Variants in ZRANB3 observed in about 807,000 individuals in gnomAD.
ZRANB3 encodes the protein zinc finger RANBP2-type containing 3.
Under a neutral mutation model 133.8 loss-of-function variants are expected in ZRANB3, and 125 were observed. The observed-to-expected ratio is 0.93, with a 90% CI of 0.81 to 1.08. The LOEUF is 1.08. Ranked by LOEUF, ZRANB3 falls within the 50% of genes least tolerant of loss-of-function variation. The pLI is 0.00. For missense variants in ZRANB3, 1,229 were observed against 1,275.5 expected (o/e 0.96, Z 0.56); for synonymous variants, 387 against 432.7 (o/e 0.89, Z 1.31).
intron 15 of ZRANB3, among the ~76,000 whole-genome samples, chr2:135,222,637 T>C (rs1296822824): frequency 6.6e-6 from 1 of 152,148 alleles, no homozygotes; most frequent in East Asian, 1.9e-4. Flanking sequence ...GAGATGGATA[T>C]GGGAATCCCA....
At chr2:135,365,842 T>C (rs1685910706) in intron 3 of ZRANB3, among the ~76,000 whole-genome samples, 2 of 152,220 alleles carry the variant, frequency 1.3e-5, no homozygotes, top group African/African-American at 4.8e-5. Flanking sequence ...ATAATTAATT[T>C]GAAGACATCA....
At chr2:135,424,517 G>A (rs1445380440) in intron 2 of ZRANB3, among the ~76,000 whole-genome samples, 1 of 152,200 alleles carries the variant, frequency 6.6e-6, no homozygotes, top group Non-Finnish European at 1.5e-5. Flanking sequence ...CAGACCACTT[G>A]AGGTCAGGCA....
chr2:135,215,283 G>T (rs1000260472), intron 17 of ZRANB3, among the ~76,000 whole-genome samples: 1 of 151,024 alleles, frequency 6.6e-6, no homozygotes, highest in African/African-American at 2.4e-5. Flanking sequence ...CTGAGACAAG[G>T]TCTCACTCTG....
At position 135,207,764 on chromosome 2, in the gene ZRANB3, C is replaced by A. The variant is rs1693939271; in HGVS notation, c.2679G>T (p.Lys893Asn). ...GCAAATAGCCTTTGGATGTAGAGGGCTTCACAGTGAGATCTGCCTGGACTG... is the reference window on the plus strand; with the variant it reads ...GCAAATAGCCTTTGGATGTAGAGGGATTCACAGTGAGATCTGCCTGGACTG... ...PYTVQADLTV[K>N]PSTSKGYLQA... Residue 893 changes from lysine (K) to asparagine (N), a missense_variant, in exon 19 of 21, where the codon AAG becomes AAT. Coordinates refer to ENST00000264159, the MANE Select transcript of ZRANB3 (RefSeq NM_032143.4). The A allele has an allele frequency of 6.2e-7, 1 of 1,613,978 alleles. No homozygotes were observed. Among genetic ancestry groups the A allele is most frequent in the Non-Finnish European group, 8.5e-7 (1 of 1,179,858 alleles).
At chr2:135,281,124 T>C (rs1160442604) in intron 8 of ZRANB3, among the ~76,000 whole-genome samples, 2 of 152,218 alleles carry the variant, frequency 1.3e-5, no homozygotes, top group African/African-American at 2.4e-5. Flanking sequence ...GTGTTTGGAA[T>C]TGAGCTCAAC....
At chr2:135,418,075 C>T (rs1028618653) in intron 2 of ZRANB3, among the ~76,000 whole-genome samples, 2 of 152,058 alleles carry the variant, frequency 1.3e-5, no homozygotes, top group African/African-American at 4.8e-5. Context: ...CTAACTTGCA[C>T]ATTGTCCACA....
rs570768930 is a variant in ZRANB3, at chr2:135,217,368, G to A, written c.2495+97C>T. ...GCATAATTTTCTCATAACTCATCAG[G>A]ATTTCATTAGTGGTTCCAAAAGATG... On this transcript the variant is annotated intron_variant, in intron 17 of 20. Coordinates refer to ENST00000264159, the MANE Select transcript of ZRANB3 (RefSeq NM_032143.4). The A allele has an allele frequency of 7.0e-4, 822 of 1,177,042 alleles. 1 individual carries two copies. Among genetic ancestry groups the A allele is most frequent in the Admixed American group, 1.3e-3 (43 of 32,848 alleles). The allele number at this position is 1,177,042 out of a possible 1,614,324, so 72.9% of individuals were successfully genotyped here.
At chr2:135,225,982 C>T (rs1694746648) in intron 14 of ZRANB3, among the ~76,000 whole-genome samples, 1 of 152,124 alleles carries the variant, frequency 6.6e-6, no homozygotes, top group Admixed American at 6.6e-5. Flanking sequence ...TTGCCAAATC[C>T]CTCAGAATAA....
At chr2:135,403,145 C>G (rs1042460388) in intron 2 of ZRANB3, among the ~76,000 whole-genome samples, 2 of 152,174 alleles carry the variant, frequency 1.3e-5, no homozygotes, top group Non-Finnish European at 2.9e-5. Flanking sequence ...GGAGCCGAAG[C>G]TGGGTGAGGC....
At chr2:135,476,477 G>C (rs528668193) in intron 2 of ZRANB3, among the ~76,000 whole-genome samples, 7 of 152,070 alleles carry the variant, frequency 4.6e-5, no homozygotes, top group Admixed American at 2.0e-4. Flanking sequence ...ATTAAAGTTG[G>C]GTGATAACCA....
At chr2:135,360,561 C>G (rs1685644998) in intron 3 of ZRANB3, among the ~76,000 whole-genome samples, 1 of 151,508 alleles carries the variant, frequency 6.6e-6, no homozygotes, top group Non-Finnish European at 1.5e-5. Context: ...AAAAATTAGC[C>G]AAGCGTGGTG....
rs113487290 is a variant in ZRANB3 at position 135,301,189 on chromosome 2, T to TA, written c.966+12299_966+12300insT. 3.1e-3 allele frequency among the ~76,000 whole-genome samples: 468 copies of TA among 150,906 alleles called. 2 individuals carry two copies. Among genetic ancestry groups the TA allele is most frequent in the African/African-American group, 0.01 (423 of 41,120 alleles). The stretch of plus-strand genomic sequence containing the variant: ...CCATGCCCAATTAATATGTTTATTT[T>TA]TTTTTTTTTTTTTGAGACAGAGTTT... On this transcript the variant is annotated intron_variant, in intron 8 of 20. Transcript: ENST00000264159.
intron 1 of ZRANB3, among the ~76,000 whole-genome samples, chr2:135,508,847 G>T (rs866842608): frequency 1.3e-5 from 2 of 152,042 alleles, no homozygotes; most frequent in South Asian, 4.2e-4. Context: ...ATTAATAAAA[G>T]AAGATGCACA....
Position 135,350,147 on chromosome 2 carries a change from A to C in ZRANB3, c.428T>G (p.Ile143Arg). 10 of 1,613,182 alleles carry C rather than the reference A, an allele frequency of 6.2e-6. No homozygotes were observed. Among genetic ancestry groups the C allele is most frequent in the Non-Finnish European group, 8.5e-6 (10 of 1,179,568 alleles). ...GAAGTTCTGATTATTCAGTGCATCT[A>C]TCAAAGTCTTTGCATCTGCGGTTAA... The part of the protein sequence containing the change: ...GLLTADAKTL[I>R]DALNNQNFKV... Residue 143 changes from isoleucine (I) to arginine (R), a missense_variant, in exon 5 of 21, where the codon ATA (isoleucine) becomes AGA (arginine). Coordinates refer to ENST00000264159, the MANE Select transcript of ZRANB3 (RefSeq NM_032143.4).
In ZRANB3 at chr2:135,352,280, C is replaced by T. The variant is rs148816996; in HGVS notation, c.359+1170G>A. ...CCAGGATGCAGAGGTTGCAGTGAGCCGACATGGTGCCACTGCATTCCAGCC... is the reference window on the plus strand; with the variant it reads ...CCAGGATGCAGAGGTTGCAGTGAGCTGACATGGTGCCACTGCATTCCAGCC... On this transcript the variant is annotated intron_variant, in intron 4 of 20. Coordinates refer to ENST00000264159, the MANE Select transcript of ZRANB3 (RefSeq NM_032143.4). 3.0e-3 allele frequency among the ~76,000 whole-genome samples: 453 copies of T among 150,890 alleles called. 3 individuals are homozygous for T. Among genetic ancestry groups the T allele is most frequent in the African/African-American group, 0.01 (420 of 41,010 alleles).
chr2:135,506,687 C>T (rs1444096886), intron 1 of ZRANB3, among the ~76,000 whole-genome samples: 1 of 152,192 alleles, frequency 6.6e-6, no homozygotes, highest in African/African-American at 2.4e-5. Flanking sequence ...CAGAACATTT[C>T]TCTCTTCACT....
intron 2 of ZRANB3, among the ~76,000 whole-genome samples, chr2:135,486,247 C>G (rs529611154): frequency 6.6e-6 from 1 of 152,238 alleles, no homozygotes; most frequent in African/African-American, 2.4e-5. Context: ...AAATTGAAAT[C>G]AATACTCTCC....
chr2:135,309,919 T>C (rs1423400045), intron 8 of ZRANB3, among the ~76,000 whole-genome samples: 2 of 152,202 alleles, frequency 1.3e-5, no homozygotes, highest in African/African-American at 4.8e-5. Flanking sequence ...GTAAACACTA[T>C]ATAATTTCAA....
chr2:135,339,163 G>T (rs1684513033), intron 6 of ZRANB3, among the ~76,000 whole-genome samples: 1 of 152,204 alleles, frequency 6.6e-6, no homozygotes, highest in South Asian at 2.1e-4. Context: ...TGTAATCCCA[G>T]CACTTTGGGA....
Sources: gnomAD v4.1 joint callset for allele counts (sites outside exome capture counted in the v4.1 genomes callset) on GRCh38, gnomAD v4.1.1 for gene constraint, MANE v1.5 for transcripts, NCBI Gene and HGNC (gene_info 2026-07-23, HGNC 2026-07-21) for gene names.